PTCH1: variants seen among roughly 807,000 people sequenced by gnomAD.
PTCH1 encodes protein patched homolog 1.
PTCH1 carries 14 observed loss-of-function variants against 144.6 expected under a neutral mutation model. The ratio of observed to expected loss-of-function variants is 0.10; its 90% CI spans 0.06 to 0.15. PTCH1 has a LOEUF of 0.15. Ranked by LOEUF, PTCH1 falls within the 10% of genes least tolerant of loss-of-function variation. The probability of loss-of-function intolerance (pLI) is 1.00; values close to 1 mark genes in which losing one functional copy is unlikely to be tolerated. For synonymous variants in PTCH1, 833 were observed against 793.6 expected, an observed-to-expected ratio of 1.05 and a Z score of -0.83; for missense variants, 1,623 against 1,948.3, an observed-to-expected ratio of 0.83 and a Z score of 3.14.
rs1212652277 is a variant in PTCH1, at chr9:95,449,553, T to C, written c.3550-230A>G. 4 of 659,342 alleles carry C rather than the reference T, an allele frequency of 6.1e-6. No homozygotes were observed. The highest frequency in any genetic ancestry group is 2.8e-5 in the Admixed American group (1 of 36,120). 40.8% of individuals were successfully genotyped at this position (659,342 alleles called of 1,614,324 possible). ...ACTGGAAAGGCAGGATGTGTACTTT[T>C]TACTCTTGTGAAGTCCAATTATGCA... On this transcript the variant is annotated intron_variant, in intron 21 of 23. Coordinates refer to ENST00000331920, the MANE Select transcript of PTCH1 (RefSeq NM_000264.5). The surrounding 1 kb of genome is among the most constrained non-coding windows in gnomAD (Gnocchi z 5.3).
intron 12 of PTCH1, among the ~76,000 whole-genome samples, chr9:95,472,829 C>T (rs185829588): frequency 4.6e-5 from 7 of 152,274 alleles, no homozygotes; most frequent in South Asian, 2.1e-4. Flanking sequence ...CAGGTGTACA[C>T]CAAAATAGTA....
upstream of PTCH1, chr9:95,514,115 G>A (rs901676062): frequency 6.6e-6 from 1 of 152,182 alleles, no homozygotes; most frequent in Non-Finnish European, 1.5e-5. Flanking sequence ...ATTGCCAAAA[G>A]CTATTGGTAT....
chr9:95,469,677 CA>C, intron 13 of PTCH1, 135 bp downstream of exon 13: 1 of 909,588 alleles, frequency 1.1e-6, no homozygotes, highest in East Asian at 2.4e-5. Flanking sequence ...AGCCTCTGTC[CA>C]ATCTCTCCCC....
At chr9:95,478,893 G>A in intron 8 of PTCH1, 107 bp downstream of exon 8, 2 of 1,528,796 alleles carry the variant, frequency 1.3e-6, no homozygotes, top group Middle Eastern at 1.7e-4. Context: ...TCCCAGAATT[G>A]CAATGTTTTG....
chr9:95,476,637 C>T lies in PTCH1; in HGVS notation c.1602+122G>A, dbSNP rs1054735061. On this transcript the variant is annotated intron_variant, in intron 11 of 23. Transcript: ENST00000331920. This position sits in a 1 kb window ranked among gnomAD's most constrained non-coding sequence, Gnocchi z 4.6. ...TTTCATTGACTGGCAGCCAGTGACA[C>T]ATCATCTGACATGGGACTGAAATCT... The T allele has an allele frequency of 4.3e-6, 4 of 925,222 alleles. No homozygotes were observed. In the South Asian group the frequency reaches 5.7e-5, roughly 13 times the overall value. 57.3% of individuals were successfully genotyped at this position (925,222 alleles called of 1,614,324 possible).
In PTCH1 at chr9:95,506,397, G is replaced by C. The variant is rs755119764; in HGVS notation, c.394+10C>G. 1 of 1,608,102 alleles carries C rather than the reference G, an allele frequency of 6.2e-7. No individual in the cohort carries two copies. The highest frequency in any genetic ancestry group is 8.5e-7 in the Non-Finnish European group (1 of 1,178,116). On this transcript the variant is annotated intron_variant, in intron 2 of 23. Coordinates refer to ENST00000331920, the MANE Select transcript of PTCH1 (RefSeq NM_000264.5). ...GCCGGGGGCGCGGGCGCCGCGGCGG[G>C]CGCTCTTACCTTCCACCCACAGCTC... is the stretch of plus-strand genomic sequence containing the variant.
chr9:95,462,674 A>G (rs771353439), intron 15 of PTCH1, among the ~76,000 whole-genome samples: 2 of 152,180 alleles, frequency 1.3e-5, no homozygotes, highest in African/African-American at 2.4e-5. Context: ...ACGCAGGGAA[A>G]TACCTCACAG....
At chr9:95,497,109 C>T (rs1442943196) in intron 2 of PTCH1, among the ~76,000 whole-genome samples, 1 of 152,264 alleles carries the variant, frequency 6.6e-6, no homozygotes, top group East Asian at 1.9e-4. Flanking sequence ...AGAATATTGG[C>T]GCAGGTATTT....
chr9:95,480,721 A>C (rs1288629682), intron 5 of PTCH1, 133 bp from the exon 6 acceptor site: 1 of 880,244 alleles, frequency 1.1e-6, no homozygotes, highest in Non-Finnish European at 1.8e-6. Flanking sequence ...CTCTGGCATC[A>C]AAACAAATGC....
chr9:95,462,206 G>A (rs985054416), intron 15 of PTCH1, among the ~76,000 whole-genome samples: 3 of 152,144 alleles, frequency 2.0e-5, no homozygotes, highest in Non-Finnish European at 2.9e-5. Context: ...GCTCAAAAGG[G>A]GGGAAGGAGA....
At chr9:95,470,441 C>T (rs1265692140) in intron 12 of PTCH1, among the ~76,000 whole-genome samples, 1 of 152,148 alleles carries the variant, frequency 6.6e-6, no homozygotes, top group Non-Finnish European at 1.5e-5. Context: ...TTCCAAATTG[C>T]CTCTGGAGTA....
chr9:95,497,182 T>C (rs1842853191), intron 2 of PTCH1, among the ~76,000 whole-genome samples: 1 of 152,218 alleles, frequency 6.6e-6, no homozygotes, highest in African/African-American at 2.4e-5. Context: ...CATGTTCGTA[T>C]TAATTTTTAA....
rs750568423 is a variant in PTCH1, at chr9:95,447,146, A to G, written c.4110T>C (p.Thr1370=). The change falls in exon 23 of 24, where the codon ACT becomes ACC. Residue 1370 remains threonine (T), a synonymous_variant. Coordinates refer to ENST00000331920, the MANE Select transcript of PTCH1 (RefSeq NM_000264.5). ...CAGTCACGGAGGCAGAAGCCGTCACAGTGGTGATGGGCTGGCAGTAGCCGG... is the reference window on the plus strand; with the variant it reads ...CAGTCACGGAGGCAGAAGCCGTCACGGTGGTGATGGGCTGGCAGTAGCCGG... ...SVPGYCQPIT[T]VTASASVTVA... is the part of the protein sequence containing the mutation. 1.2e-6 allele frequency: 2 copies of G among 1,613,272 alleles called. No individual in the cohort carries two copies. The highest frequency in any genetic ancestry group is 2.2e-5 in the South Asian group (2 of 91,078).
intron 2 of PTCH1, chr9:95,494,318 T>G: frequency 1.0e-6 from 1 of 985,512 alleles, no homozygotes; most frequent in Non-Finnish European, 1.2e-6. Context: ...ACGCTGGACC[T>G]GCTGCCTGTC....
At chr9:95,513,296 A>G (rs897116798), upstream of PTCH1, among the ~76,000 whole-genome samples, 1 of 152,236 alleles carries the variant, frequency 6.6e-6, no homozygotes, top group Admixed American at 6.5e-5. Context: ...AGTTTTGCAG[A>G]GTATAAATGA....
intron 12 of PTCH1, among the ~76,000 whole-genome samples, chr9:95,475,074 A>G (rs1374532873): frequency 6.6e-6 from 1 of 152,254 alleles, no homozygotes; most frequent in Admixed American, 6.5e-5. Context: ...CTTTGCGCTC[A>G]GGAAGACCAT....
chr9:95,458,040 A>C lies in PTCH1; in HGVS notation c.3141T>G (p.Leu1047=), dbSNP rs2066835. The C allele has an allele frequency of 0.012, 19,701 of 1,614,126 alleles. 872 individuals are homozygous for C. Among genetic ancestry groups the C allele is most frequent in the African/African-American group, 0.11 (8,580 of 75,026 alleles). The part of the protein sequence containing the change: ...ACTFLVCAVF[L]LNPWTAGIIV... Reference sequence around the variant, plus strand: ...TGATCCCGGCCGTCCAGGGGTTCAGAAGGAAGACAGCGCACACGAGGAATG... The same window carrying C: ...TGATCCCGGCCGTCCAGGGGTTCAGCAGGAAGACAGCGCACACGAGGAATG... The change falls in exon 18 of 24, where the codon CTT becomes CTG. Residue 1047 remains leucine, a synonymous_variant. Transcript: ENST00000331920. This position sits in a 1 kb window ranked among gnomAD's most constrained non-coding sequence, Gnocchi z 4.7.
At position 95,490,541 on chromosome 9, in the gene PTCH1, A is replaced by G. The variant is rs574255888; in HGVS notation, c.395-4667T>C. ...ATGTGACACACACACACACACACAC[A>G]CACACACACACACACAAAAGAAAGA... On this transcript the variant is annotated intron_variant, in intron 2 of 23. Transcript: ENST00000331920. Among the ~76,000 whole-genome samples the G allele has an allele frequency of 2.4e-4, 36 of 151,958 alleles. No homozygotes were observed. The East Asian group carries it at 5.4e-3, about 23-fold the overall frequency.
At chr9:95,499,809 G>A (rs1325069635) in intron 2 of PTCH1, among the ~76,000 whole-genome samples, 3 of 151,988 alleles carry the variant, frequency 2.0e-5, no homozygotes, top group Non-Finnish European at 4.4e-5. Context: ...CATCCCCGAG[G>A]AGAACTGAAC....
Sources: allele counts gnomAD v4.1 joint callset (sites outside exome capture counted in the v4.1 genomes callset), GRCh38; gene constraint gnomAD v4.1.1; non-coding constraint Gnocchi (gnomAD v3.1); transcripts MANE v1.5; gene names NCBI Gene and HGNC (gene_info 2026-07-23, HGNC 2026-07-21).